The following OSBPL11 variants were observed in gnomAD, a reference collection of about 807,000 sequenced individuals.
The protein encoded by OSBPL11 is oxysterol-binding protein-related protein 11.
OSBPL11 carries 33 observed loss-of-function variants against 84.4 expected under a neutral mutation model. That is an observed-to-expected ratio of 0.39 (90% CI 0.30 to 0.52). OSBPL11 has a LOEUF of 0.52. OSBPL11 is among the 20% of genes least tolerant of loss of function. The pLI is 0.72. For missense variants in OSBPL11, 736 were observed against 901.1 expected, an observed-to-expected ratio of 0.82 and a Z score of 2.35; for synonymous variants, 276 against 310.2, an observed-to-expected ratio of 0.89 and a Z score of 1.16.
intron 8 of OSBPL11, among the ~76,000 whole-genome samples, chr3:125,557,533 C>A (rs1436197509): frequency 6.6e-6 from 1 of 152,084 alleles, no homozygotes; most frequent in Admixed American, 6.6e-5. Context: ...AGGCGTGCAC[C>A]ACCATGCTCG....
chr3:125,578,265 C>A (rs545707806), intron 4 of OSBPL11, among the ~76,000 whole-genome samples: 1 of 152,114 alleles, frequency 6.6e-6, no homozygotes, highest in South Asian at 2.1e-4. Flanking sequence ...AAATGAAAGA[C>A]ACCAGATACA....
At chr3:125,550,400 C>A (rs904080116) in intron 9 of OSBPL11, among the ~76,000 whole-genome samples, 1 of 125,022 alleles carries the variant, frequency 8.0e-6, no homozygotes, top group South Asian at 2.4e-4. Flanking sequence ...CACACACACA[C>A]ACACACAACA....
chr3:125,562,241 T>C (rs1936089371), intron 7 of OSBPL11, among the ~76,000 whole-genome samples: 1 of 152,220 alleles, frequency 6.6e-6, no homozygotes, highest in Non-Finnish European at 1.5e-5. Flanking sequence ...CTCATTTTAG[T>C]GTATATGTTG....
chr3:125,576,480 C>G (rs1033582683), intron 4 of OSBPL11, 115 bp from the exon 5 acceptor site: 1 of 740,106 alleles, frequency 1.4e-6, no homozygotes, highest in African/African-American at 1.9e-5. Context: ...ATTAAATTAA[C>G]TTCAGAATTG....
intron 5 of OSBPL11, among the ~76,000 whole-genome samples, chr3:125,573,656 G>T (rs748573057): frequency 6.6e-6 from 1 of 151,630 alleles, no homozygotes; most frequent in Non-Finnish European, 1.5e-5. Flanking sequence ...TGAGGTCAAG[G>T]GTTCAAAACC....
In OSBPL11 at chr3:125,531,915, T is replaced by C; in HGVS notation, c.2124A>G (p.Glu708=). ...HTLEERQRTE[E]RHRTETGTPW... ...GTGTGCCTGTTTCAGTACGATGCCT[T>C]TCTTCAGTCCTCTGACGTTCTTCCA... The change falls in exon 12 of 13, where the codon GAA becomes GAG. Residue 708 remains glutamate (E), a synonymous_variant. Transcript: ENST00000296220. 6.2e-7 allele frequency: 1 copy of C among 1,614,148 alleles called. No homozygotes were observed. The highest frequency in any genetic ancestry group is 2.2e-5 in the East Asian group (1 of 44,866).
chr3:125,574,234 T>G (rs1936284429), intron 5 of OSBPL11, among the ~76,000 whole-genome samples: 1 of 150,906 alleles, frequency 6.6e-6, no homozygotes, highest in Admixed American at 6.6e-5. Context: ...AACCCACTAG[T>G]GGTCACTGTA....
In OSBPL11 at chr3:125,546,600, A is replaced by T. The variant is rs545195194; in HGVS notation, c.1841+806T>A. ...ACCCATGACTAAAAAATCACATGTG[A>T]CTAAGAAATACATCAATATTAGCCA... On this transcript the variant is annotated intron_variant, in intron 10 of 12. Transcript: ENST00000296220. 1.1e-4 allele frequency among the ~76,000 whole-genome samples: 16 copies of T among 152,256 alleles called. No homozygotes were observed. In the South Asian group the frequency reaches 3.1e-3, roughly 30 times the overall value.
At chr3:125,578,540 T>C (rs949500838) in intron 4 of OSBPL11, among the ~76,000 whole-genome samples, 1 of 152,200 alleles carries the variant, frequency 6.6e-6, no homozygotes, top group African/African-American at 2.4e-5. Flanking sequence ...GGTCAGGAGT[T>C]CGAGGCCAGC....
chr3:125,585,070 A>C (rs538364941), intron 1 of OSBPL11, among the ~76,000 whole-genome samples: 23 of 152,204 alleles, frequency 1.5e-4, no homozygotes, highest in Non-Finnish European at 2.8e-4. Flanking sequence ...ATGAGCCACA[A>C]ATTTTTTAAA....
chr3:125,544,597 G>A (rs1935783632), intron 10 of OSBPL11, among the ~76,000 whole-genome samples: 1 of 152,032 alleles, frequency 6.6e-6, no homozygotes, highest in Non-Finnish European at 1.5e-5. Flanking sequence ...CAATTGAAAG[G>A]CTGTCTTAAA....
At position 125,530,389 on chromosome 3, in the gene OSBPL11, T is replaced by A. The variant is rs1935539256; in HGVS notation, c.*126A>T. ...GTATTATGGTGCCCTAGTAGGTACA[T>A]TCAGGTTTAGCTAGTTTCAGTCTGC... On this transcript the variant is annotated 3_prime_UTR_variant, in exon 13 of 13. Transcript: ENST00000296220. 1.2e-6 allele frequency: 1 copy of A among 853,822 alleles called. No homozygotes were observed. Among genetic ancestry groups the A allele is most frequent in the East Asian group, 2.6e-5 (1 of 38,990 alleles). 52.9% of individuals were successfully genotyped at this position (853,822 alleles called of 1,614,324 possible).
intron 10 of OSBPL11, among the ~76,000 whole-genome samples, chr3:125,543,514 G>A (rs897368069): frequency 1.3e-5 from 2 of 152,102 alleles, no homozygotes; most frequent in African/African-American, 2.4e-5. Context: ...ATCAATAGTA[G>A]ACAAGAAGTT....
intron 1 of OSBPL11, among the ~76,000 whole-genome samples, chr3:125,592,499 A>G (rs1936613017): frequency 1.3e-5 from 2 of 152,372 alleles, no homozygotes; most frequent in South Asian, 2.1e-4. Flanking sequence ...AAGAATTTAT[A>G]CAAAATTAAA....
chr3:125,551,040 T>C (rs1935898243), intron 9 of OSBPL11, among the ~76,000 whole-genome samples: 1 of 151,930 alleles, frequency 6.6e-6, no homozygotes, highest in Non-Finnish European at 1.5e-5. Flanking sequence ...GGTGCATGCC[T>C]GTAGTCCTAG....
rs764887425 is a variant in OSBPL11, at chr3:125,594,780, C to G, written c.21G>C (p.Val7=). The change falls in exon 1 of 13, where the codon GTG becomes GTC. Residue 7 remains valine, a synonymous_variant. Coordinates refer to ENST00000296220, the MANE Select transcript of OSBPL11 (RefSeq NM_022776.5). MQGGEP[V]STMKVSESEG... is the part of the protein sequence containing the mutation. The stretch of plus-strand genomic sequence containing the variant: ...CGCTCTCCGAGACTTTCATTGTGGA[C>G]ACTGGTTCACCCCCCTGCATCTTAA... 6.2e-7 allele frequency: 1 copy of G among 1,614,102 alleles called. No individual in the cohort carries two copies. The highest frequency in any genetic ancestry group is 1.1e-5 in the South Asian group (1 of 91,080).
At chr3:125,541,586 A>T (rs1197509408) in intron 10 of OSBPL11, among the ~76,000 whole-genome samples, 2 of 151,960 alleles carry the variant, frequency 1.3e-5, no homozygotes, top group Middle Eastern at 3.4e-3. Context: ...TTTCTGTATT[A>T]TTTTTTTTGG....
chr3:125,583,581 CAAAAAAAA>C (rs57151123), intron 1 of OSBPL11, among the ~76,000 whole-genome samples: 13 of 44,916 alleles, frequency 2.9e-4, no homozygotes, highest in Non-Finnish European at 3.9e-4. Flanking sequence ...ACTCCGTCTC[CAAAAAAAA>C]AAAAAAAAAA....
At chr3:125,576,885 T>A (rs1188734746) in intron 4 of OSBPL11, among the ~76,000 whole-genome samples, 1 of 152,236 alleles carries the variant, frequency 6.6e-6, no homozygotes, top group Non-Finnish European at 1.5e-5. Flanking sequence ...GGTTTTGCCA[T>A]GCTGGCCAGG....
Sources: gnomAD v4.1 joint callset for allele counts (sites outside exome capture counted in the v4.1 genomes callset) on GRCh38, gnomAD v4.1.1 for gene constraint, MANE v1.5 for transcripts, NCBI Gene and HGNC (gene_info 2026-07-23, HGNC 2026-07-21) for gene names.